UFL1: variants seen among roughly 807,000 people sequenced by gnomAD.
UFL1 encodes the protein E3 UFM1-protein ligase 1.
A neutral mutation model predicts 99.3 loss-of-function variants in UFL1; 78 were observed. The observed-to-expected ratio is 0.79, with a 90% confidence interval of 0.65 to 0.95. The LOEUF is 0.95. Ranked by LOEUF, UFL1 falls within the 40% of genes least tolerant of loss-of-function variation. UFL1 has a pLI of 0.00. For missense variants in UFL1, 936 were observed against 937.0 expected, an observed-to-expected ratio of 1.00 and a Z score of 0.01; for synonymous variants, 335 against 322.2, an observed-to-expected ratio of 1.04 and a Z score of -0.42.
intron 9 of UFL1, among the ~76,000 whole-genome samples, chr6:96,538,269 G>C (rs1190594640): frequency 6.6e-6 from 1 of 151,814 alleles, no homozygotes; most frequent in Non-Finnish European, 1.5e-5. Flanking sequence ...GATAATTTCA[G>C]ATAGGAGAAA....
At chr6:96,540,105 A>G (rs948312241) in intron 10 of UFL1, among the ~76,000 whole-genome samples, 3 of 151,400 alleles carry the variant, frequency 2.0e-5, no homozygotes, top group Non-Finnish European at 3.0e-5. Context: ...TGCAACTCAC[A>G]TATGGTAATT....
Position 96,555,268 on chromosome 6 carries a change from TCTA to T in UFL1, c.*1769_*1771del, listed in dbSNP as rs778766424. 13 of 152,150 alleles carry T rather than the reference TCTA, an allele frequency of 8.5e-5. No homozygotes were observed. The highest frequency in any genetic ancestry group is 1.2e-4 in the African/African-American group (5 of 41,448). The allele number at this position is 152,150 out of a possible 1,614,324, so 9.4% of individuals were successfully genotyped here. A position where few individuals can be genotyped will look rare whatever the true frequency, so the allele number is the denominator to read the frequency against. On this transcript the variant is annotated 3_prime_UTR_variant, in exon 19 of 19. Coordinates refer to ENST00000369278, the MANE Select transcript of UFL1 (RefSeq NM_015323.5). ...AGTTATTTAAAATAAAGTTACCTAT[TCTA>T]CTAAATTTTATAGTACTTTGAAGCT...
intron 6 of UFL1, among the ~76,000 whole-genome samples, chr6:96,529,999 A>G (rs1057453898): frequency 6.6e-6 from 1 of 152,184 alleles, no homozygotes; most frequent in Admixed American, 6.5e-5. Context: ...TATAACTATA[A>G]TACAGTCATC....
At chr6:96,542,639 AAG>A (rs1400888421) in intron 11 of UFL1, among the ~76,000 whole-genome samples, 7 of 151,158 alleles carry the variant, frequency 4.6e-5, no homozygotes, top group African/African-American at 1.2e-4. Flanking sequence ...GAGAAGGAGA[AAG>A]AGAATGCATT....
chr6:96,538,782 G>A lies in UFL1; in HGVS notation c.1130G>A (p.Arg377His), dbSNP rs767145924. Reference sequence around the variant, plus strand: ...ATAAATGACTGTACAGAACTGTTCCGTGAGCTGATGCACCAGAAAGCTGAA... The same window carrying A: ...ATAAATGACTGTACAGAACTGTTCCATGAGCTGATGCACCAGAAAGCTGAA... ...KFINDCTELF[R>H]ELMHQKAEKE... The change falls in exon 10 of 19, where the codon CGT (arginine) becomes CAT (histidine). Residue 377 changes from arginine to histidine, a missense_variant. Physicochemically the swap from Arg to His is conservative, Grantham distance 29 (BLOSUM62 0). Transcript: ENST00000369278. 7.1e-5 allele frequency: 114 copies of A among 1,605,138 alleles called. No homozygotes were observed. Among genetic ancestry groups the A allele is most frequent in the Non-Finnish European group, 8.4e-5 (99 of 1,174,772 alleles).
rs2127954472 is a variant in UFL1 at position 96,555,166 on chromosome 6, A to AT, written c.*1667dup. On this transcript the variant is annotated 3_prime_UTR_variant, in exon 19 of 19. Coordinates refer to ENST00000369278, the MANE Select transcript of UFL1 (RefSeq NM_015323.5). ...TTTTGTAAGTAAAATTACGTAGCTG[A>AT]TTTTGTATGTAAAGATTAATTTCCA... is the stretch of plus-strand genomic sequence containing the variant. The AT allele has an allele frequency of 6.6e-6, 1 of 152,322 alleles. No homozygotes were observed. Among genetic ancestry groups the AT allele is most frequent in the Admixed American group, 6.5e-5 (1 of 15,294 alleles). The allele number at this position is 152,322 out of a possible 1,614,324, so 9.4% of individuals were successfully genotyped here.
chr6:96,544,125 A>G (rs1769967813), intron 12 of UFL1, among the ~76,000 whole-genome samples: 1 of 150,980 alleles, frequency 6.6e-6, no homozygotes, highest in Non-Finnish European at 1.5e-5. Flanking sequence ...ATATTTTTGA[A>G]AAGTAGACTT....
intron 15 of UFL1, 58 bp from the exon 16 acceptor site, chr6:96,551,375 T>G: frequency 2.2e-6 from 2 of 907,430 alleles, no homozygotes; most frequent in Non-Finnish European, 3.4e-6. Context: ...TCACTTTATC[T>G]TATATCCATT....
chr6:96,530,650 G>A (rs1052088122), intron 6 of UFL1, among the ~76,000 whole-genome samples: 9 of 152,150 alleles, frequency 5.9e-5, no homozygotes, highest in Non-Finnish European at 8.8e-5. Flanking sequence ...TAGTGGTAGC[G>A]CCTGCAGGTT....
chr6:96,551,398 C>T (rs1349046218), intron 15 of UFL1, 35 bp from the exon 16 acceptor site: 3 of 1,179,126 alleles, frequency 2.5e-6, no homozygotes, highest in East Asian at 2.6e-5. Flanking sequence ...ATGTCAAAAG[C>T]ACAGTACTGA....
intron 1 of UFL1, 63 bp downstream of exon 1, chr6:96,522,013 C>T (rs1389946534): frequency 3.2e-6 from 5 of 1,542,518 alleles, no homozygotes; most frequent in Non-Finnish European, 4.4e-6. Context: ...ACGCCTGTAT[C>T]TGGGACTTTA....
chr6:96,542,681 G>A (rs911956646), intron 11 of UFL1, among the ~76,000 whole-genome samples: 2 of 151,194 alleles, frequency 1.3e-5, no homozygotes, highest in African/African-American at 4.8e-5. Flanking sequence ...AAGGTAGATT[G>A]CTCAAAAGAT....
At chr6:96,539,159 A>G (rs372112396) in intron 10 of UFL1, among the ~76,000 whole-genome samples, 15 of 151,678 alleles carry the variant, frequency 9.9e-5, no homozygotes, top group Admixed American at 8.6e-4. Flanking sequence ...TTGTCAACCA[A>G]TACACAATAT....
intron 15 of UFL1, among the ~76,000 whole-genome samples, chr6:96,550,609 C>T (rs764474149): frequency 6.6e-6 from 1 of 151,922 alleles, no homozygotes; most frequent in Non-Finnish European, 1.5e-5. Context: ...CAGTAAGGAC[C>T]ATCCCTCAAA....
chr6:96,550,753 A>G (rs1416095639), intron 15 of UFL1, among the ~76,000 whole-genome samples: 1 of 151,974 alleles, frequency 6.6e-6, no homozygotes, highest in Non-Finnish European at 1.5e-5. Context: ...CTGCTATGGA[A>G]AATACAGAAT....
Position 96,538,748 on chromosome 6 carries a change from G to A in UFL1, c.1096G>A (p.Glu366Lys), listed in dbSNP as rs542033060. The part of the protein sequence containing the change: ...VVFSDTVVVS[E>K]KFINDCTELF... ...CTTTAGCGACACTGTTGTAGTCAGTGAAAAATTTATAAATGACTGTACAGA... is the reference window on the plus strand; with the variant it reads ...CTTTAGCGACACTGTTGTAGTCAGTAAAAAATTTATAAATGACTGTACAGA... The change falls in exon 10 of 19, where the codon GAA becomes AAA. Residue 366 changes from glutamate to lysine, a missense_variant. Glu to Lys is a moderately conservative substitution (Grantham distance 56). Coordinates refer to ENST00000369278, the MANE Select transcript of UFL1 (RefSeq NM_015323.5). The A allele has an allele frequency of 1.9e-6, 3 of 1,611,324 alleles. No homozygotes were observed. Among genetic ancestry groups the A allele is most frequent in the African/African-American group, 1.3e-5 (1 of 74,836 alleles).
Position 96,554,945 on chromosome 6 carries a change from A to C in UFL1, c.*1442A>C, listed in dbSNP as rs1282154386. ...ATTGAACACCCAGACTTTTAATTCA[A>C]CCTTTAAGAACCTTATCATTTATGT... On this transcript the variant is annotated 3_prime_UTR_variant, in exon 19 of 19. Transcript: ENST00000369278. 2 of 152,596 alleles carry C rather than the reference A, an allele frequency of 1.3e-5. No homozygotes were observed. Among genetic ancestry groups the C allele is most frequent in the African/African-American group, 4.8e-5 (2 of 41,446 alleles). The allele number at this position is 152,596 out of a possible 1,614,324, so 9.5% of individuals were successfully genotyped here.
At chr6:96,552,439 T>G (rs780647594) in intron 17 of UFL1, 43 bp from the exon 18 acceptor site, 2 of 1,505,010 alleles carry the variant, frequency 1.3e-6, no homozygotes, top group African/African-American at 1.4e-5. Flanking sequence ...TGAGAACTTC[T>G]TAAATTATGA....
intron 11 of UFL1, 116 bp from the exon 12 acceptor site, chr6:96,542,774 GTTTC>G (rs1769948866): frequency 9.8e-6 from 10 of 1,016,690 alleles, no homozygotes; most frequent in Non-Finnish European, 1.3e-5. Context: ...GAGTCTAAAA[GTTTC>G]TTTATTTTGC....
Sources: gnomAD v4.1 joint callset for allele counts (sites outside exome capture counted in the v4.1 genomes callset) on GRCh38, gnomAD v4.1.1 for gene constraint, MANE v1.5 for transcripts, NCBI Gene and HGNC (gene_info 2026-07-23, HGNC 2026-07-21) for gene names.